The following NOVA1 variants were observed in gnomAD, a reference collection of about 807,000 sequenced individuals.
The protein encoded by NOVA1 is NOVA alternative splicing regulator 1, also known as RNA-binding protein Nova-1.
A neutral mutation model predicts 38.0 loss-of-function variants in NOVA1; 7 were observed. The observed-to-expected ratio is 0.18, with a 90% confidence interval of 0.10 to 0.35. NOVA1 has a LOEUF of 0.35. NOVA1 is among the 10% of genes least tolerant of loss of function. The probability of loss-of-function intolerance (pLI) is 1.00; values close to 1 mark genes in which losing one functional copy is unlikely to be tolerated. For synonymous variants in NOVA1, 270 were observed against 232.5 expected, an observed-to-expected ratio of 1.16 and a Z score of -1.47; for missense variants, 460 against 616.0, an observed-to-expected ratio of 0.75 and a Z score of 2.68.
intron 2 of NOVA1, among the ~76,000 whole-genome samples, chr14:26,512,421 C>T (rs921504510): frequency 2.0e-5 from 3 of 152,198 alleles, no homozygotes; most frequent in South Asian, 4.1e-4. Context: ...AGGCCAAATA[C>T]AACTCACCAC....
At chr14:26,554,287 G>A (rs942625998) in intron 2 of NOVA1, among the ~76,000 whole-genome samples, 2 of 151,960 alleles carry the variant, frequency 1.3e-5, no homozygotes, top group Non-Finnish European at 2.9e-5. Flanking sequence ...ACATAAGAAA[G>A]CCTTTTCCCT....
intron 2 of NOVA1, among the ~76,000 whole-genome samples, chr14:26,521,396 T>C (rs973085305): frequency 6.6e-6 from 1 of 152,144 alleles, no homozygotes; most frequent in Non-Finnish European, 1.5e-5. Flanking sequence ...ATCGTTTAAT[T>C]GCTATTACAA....
intron 2 of NOVA1, among the ~76,000 whole-genome samples, chr14:26,562,170 T>C (rs916492693): frequency 6.6e-6 from 1 of 152,184 alleles, no homozygotes; most frequent in African/African-American, 2.4e-5. Context: ...GTATGTATTG[T>C]AGGCTTCTGG....
intron 2 of NOVA1, among the ~76,000 whole-genome samples, chr14:26,499,184 G>A (rs1887068028): frequency 6.6e-6 from 1 of 152,108 alleles, no homozygotes; most frequent in East Asian, 1.9e-4. Context: ...TGCCACAGGG[G>A]GCGAAATGAG....
At chr14:26,464,411 G>A (rs1333950715) in intron 4 of NOVA1, among the ~76,000 whole-genome samples, 1 of 152,158 alleles carries the variant, frequency 6.6e-6, no homozygotes, top group African/African-American at 2.4e-5. Context: ...ATTGTAATGG[G>A]CTATACCATC....
At chr14:26,589,813 A>G (rs1368068741) in intron 2 of NOVA1, among the ~76,000 whole-genome samples, 1 of 151,816 alleles carries the variant, frequency 6.6e-6, no homozygotes, top group Non-Finnish European at 1.5e-5. Flanking sequence ...TGAAAAATCA[A>G]TGTAGTTGAA....
intron 2 of NOVA1, among the ~76,000 whole-genome samples, chr14:26,558,197 T>C (rs1264054387): frequency 6.6e-6 from 1 of 151,890 alleles, no homozygotes; most frequent in Admixed American, 6.6e-5. Context: ...TATGAAAACA[T>C]ATAAAAATGT....
chr14:26,511,910 A>G (rs1888126629), intron 2 of NOVA1, among the ~76,000 whole-genome samples: 1 of 152,180 alleles, frequency 6.6e-6, no homozygotes. Context: ...TCATTAAACA[A>G]AAGTGTTTAT....
intron 2 of NOVA1, among the ~76,000 whole-genome samples, chr14:26,554,237 G>A (rs756979993): frequency 5.9e-5 from 9 of 151,670 alleles, no homozygotes; most frequent in Non-Finnish European, 1.3e-4. Context: ...GTGAGGCAGT[G>A]GAGCACAAAC....
intron 2 of NOVA1, among the ~76,000 whole-genome samples, chr14:26,514,051 A>G (rs902656819): frequency 6.6e-6 from 1 of 151,780 alleles, no homozygotes; most frequent in African/African-American, 2.4e-5. Context: ...CTCTAAGTTA[A>G]TATGAATGTC....
intron 2 of NOVA1, chr14:26,593,864 T>A (rs1894010164): frequency 6.6e-6 from 1 of 151,940 alleles, no homozygotes. Flanking sequence ...TCCCTGCACA[T>A]CTGATACCAC....
At chr14:26,570,205 G>A (rs1210659150) in intron 2 of NOVA1, among the ~76,000 whole-genome samples, 1 of 151,948 alleles carries the variant, frequency 6.6e-6, no homozygotes, top group Non-Finnish European at 1.5e-5. Context: ...AAATTAGCCG[G>A]CAGTGGTGGT....
intron 2 of NOVA1, among the ~76,000 whole-genome samples, chr14:26,505,176 A>C (rs930191369): frequency 2.0e-5 from 3 of 152,178 alleles, no homozygotes; most frequent in Admixed American, 1.3e-4. Context: ...ACGCTGCACA[A>C]TGTTTACCTA....
chr14:26,493,549 A>T (rs1047520787), intron 2 of NOVA1, among the ~76,000 whole-genome samples: 1 of 152,176 alleles, frequency 6.6e-6, no homozygotes, highest in African/African-American at 2.4e-5. Context: ...ATATTCATGC[A>T]CTATCACAGG....
At chr14:26,559,521 T>G (rs1368635182) in intron 2 of NOVA1, among the ~76,000 whole-genome samples, 5 of 152,182 alleles carry the variant, frequency 3.3e-5, no homozygotes, top group African/African-American at 7.2e-5. Flanking sequence ...TCAAGATAGA[T>G]TCTATACCAC....
chr14:26,485,497 G>T lies in NOVA1; in HGVS notation c.281-5354C>A, dbSNP rs139202521. 7.3e-3 allele frequency among the ~76,000 whole-genome samples: 1,104 copies of T among 151,890 alleles called. 17 individuals are homozygous for T. Among genetic ancestry groups the T allele is most frequent in the African/African-American group, 0.025 (1,052 of 41,474 alleles). ...CAATTTTTTTCTTTTTCCTAGGGTA[G>T]AAAAAAATAGACAAACTCTGAAAAT... is the stretch of plus-strand genomic sequence containing the variant. On this transcript the variant is annotated intron_variant, in intron 2 of 4. Coordinates refer to ENST00000539517, the MANE Select transcript of NOVA1 (RefSeq NM_002515.3).
chr14:26,530,174 T>G (rs1241801457), intron 2 of NOVA1, among the ~76,000 whole-genome samples: 1 of 152,210 alleles, frequency 6.6e-6, no homozygotes, highest in Non-Finnish European at 1.5e-5. Flanking sequence ...TGCCTCGGCC[T>G]TCCAAAGTGC....
At chr14:26,465,785 T>C (rs1215707176) in intron 4 of NOVA1, among the ~76,000 whole-genome samples, 1 of 152,198 alleles carries the variant, frequency 6.6e-6, no homozygotes, top group Non-Finnish European at 1.5e-5. Flanking sequence ...TGAGGACCTA[T>C]TATGCTCCAG....
chr14:26,562,252 C>A (rs1364192095), intron 2 of NOVA1, among the ~76,000 whole-genome samples: 1 of 152,170 alleles, frequency 6.6e-6, no homozygotes, highest in Non-Finnish European at 1.5e-5. Flanking sequence ...ATCTTTCTGT[C>A]ACTTACTAGC....
Sources: allele counts gnomAD v4.1 joint callset (sites outside exome capture counted in the v4.1 genomes callset), GRCh38; gene constraint gnomAD v4.1.1; transcripts MANE v1.5; gene names NCBI Gene and HGNC (gene_info 2026-07-23, HGNC 2026-07-21).